WARS1: variants seen among roughly 807,000 people sequenced by gnomAD.
WARS1 encodes the protein tryptophanyl-tRNA synthetase 1.
Under a neutral mutation model 47.8 loss-of-function variants are expected in WARS1, and 17 were observed. The ratio of observed to expected loss-of-function variants is 0.36; its 90% confidence interval spans 0.24 to 0.53. WARS1 has a LOEUF of 0.53. WARS1 is among the 20% of genes least tolerant of loss of function. The pLI is 0.91. For synonymous variants in WARS1, 208 were observed against 228.1 expected (o/e 0.91, Z 0.79); for missense variants, 434 against 608.0 (o/e 0.71, Z 3.01).
At chr14:100,355,872 CCTT>C (rs1895277008) in intron 4 of WARS1, among the ~76,000 whole-genome samples, 1 of 152,220 alleles carries the variant, frequency 6.6e-6, no homozygotes, top group African/African-American at 2.4e-5. Flanking sequence ...AGGAAAGAAT[CCTT>C]CTTTGGTTCT....
chr14:100,374,418 C>A (rs942508999), intron 1 of WARS1, among the ~76,000 whole-genome samples: 1 of 152,196 alleles, frequency 6.6e-6, no homozygotes, highest in African/African-American at 2.4e-5. Flanking sequence ...GAAAATTAAC[C>A]CCCAGTTCCC....
chr14:100,374,264 C>T (rs1896509962), intron 1 of WARS1: 1 of 152,196 alleles, frequency 6.6e-6, no homozygotes, highest in Non-Finnish European at 1.5e-5. Flanking sequence ...AAATAGTACA[C>T]TCTGAAACAA....
At chr14:100,376,233 C>CGCCCCGGCCTTACT (rs1481023383), upstream of WARS1, 7 of 408,584 alleles carry the variant, frequency 1.7e-5, no homozygotes, top group Non-Finnish European at 2.3e-5. Flanking sequence ...TTCCTCACTC[C>CGCCCCGGCCTTACT]GCCCCGGCCT....
intron 2 of WARS1, among the ~76,000 whole-genome samples, chr14:100,365,289 C>G (rs1248877199): frequency 2.9e-5 from 2 of 68,268 alleles, no homozygotes; most frequent in African/African-American, 5.9e-5. Flanking sequence ...TTAAAAGTGT[C>G]GGAAGTCGGG....
intron 4 of WARS1, among the ~76,000 whole-genome samples, chr14:100,356,446 GA>G (rs1895331146): frequency 6.6e-6 from 1 of 151,336 alleles, no homozygotes; most frequent in Non-Finnish European, 1.5e-5. Context: ...CCAAAATCAG[GA>G]ATATAAGAAG....
chr14:100,355,763 G>A (rs1374919253), intron 4 of WARS1, among the ~76,000 whole-genome samples: 1 of 152,076 alleles, frequency 6.6e-6, no homozygotes, highest in South Asian at 2.1e-4. Context: ...TACAATTGTG[G>A]GTGTTCTGGT....
intron 5 of WARS1, 43 bp from the exon 6 acceptor site, chr14:100,353,912 T>C (rs199971884): frequency 1.3e-4 from 209 of 1,567,290 alleles, no homozygotes; most frequent in Admixed American, 1.3e-3. Context: ...TCATCTCCCC[T>C]GTGGAGGAAC....
intron 3 of WARS1, among the ~76,000 whole-genome samples, chr14:100,360,991 A>C (rs913851615): frequency 6.6e-5 from 10 of 151,824 alleles, no homozygotes; most frequent in African/African-American, 2.4e-4. Flanking sequence ...ATACATATAT[A>C]AATAGGTATA....
At chr14:100,350,627 G>C (rs3783341) in intron 6 of WARS1, among the ~76,000 whole-genome samples, 9,253 of 152,190 alleles carry the variant, frequency 0.061, 432 homozygotes, top group African/African-American at 0.12. Flanking sequence ...GACTATTATA[G>C]GCACTTGCTC....
At chr14:100,369,517 G>A (rs186056884) in intron 1 of WARS1, among the ~76,000 whole-genome samples, 1 of 152,038 alleles carries the variant, frequency 6.6e-6, no homozygotes, top group Non-Finnish European at 1.5e-5. Context: ...ACTTGACTAG[G>A]AGGGGCCCTC....
At chr14:100,371,447 C>CAAAAAAAAAAAAAAAAGAAAAAAAAAAA (rs1896341516) in intron 1 of WARS1, among the ~76,000 whole-genome samples, 1 of 89,102 alleles carries the variant, frequency 1.1e-5, no homozygotes, top group Non-Finnish European at 2.9e-5. Flanking sequence ...GGTTCTGTCT[C>CAAAAAAAAAAAAAAAAGAAAAAAAAAAA]AAAAAAAAAA....
intron 4 of WARS1, among the ~76,000 whole-genome samples, chr14:100,358,277 C>T (rs991215290): frequency 2.6e-5 from 4 of 152,206 alleles, no homozygotes; most frequent in South Asian, 2.1e-4. Flanking sequence ...GGACTACAGG[C>T]GCCCATCACC....
chr14:100,340,808 CCT>C (rs1894108153), intron 9 of WARS1, among the ~76,000 whole-genome samples: 1 of 152,138 alleles, frequency 6.6e-6, no homozygotes, highest in Non-Finnish European at 1.5e-5. Flanking sequence ...CGTCTGTAGG[CCT>C]CTGTTTTTCC....
At chr14:100,371,912 G>A (rs1896375248) in intron 1 of WARS1, among the ~76,000 whole-genome samples, 1 of 152,070 alleles carries the variant, frequency 6.6e-6, no homozygotes, top group Admixed American at 6.6e-5. Flanking sequence ...CCTGTGACCG[G>A]CACGTACACA....
At chr14:100,343,587 T>C (rs918990423) in intron 7 of WARS1, among the ~76,000 whole-genome samples, 200 bp from the exon 8 acceptor site, 12 of 152,234 alleles carry the variant, frequency 7.9e-5, no homozygotes, top group African/African-American at 2.7e-4. Context: ...TATTTTACTC[T>C]ATGCATTTTT....
At chr14:100,337,484 G>A (rs549798667) in intron 9 of WARS1, among the ~76,000 whole-genome samples, 1 of 152,260 alleles carries the variant, frequency 6.6e-6, no homozygotes, top group East Asian at 1.9e-4. Flanking sequence ...GGAGAATAGA[G>A]TTGGGAAAGC....
At chr14:100,337,900 G>T (rs1399517474) in intron 9 of WARS1, among the ~76,000 whole-genome samples, 1 of 152,064 alleles carries the variant, frequency 6.6e-6, no homozygotes, top group South Asian at 2.1e-4. Flanking sequence ...AAAAGAAAAA[G>T]GATGAGTAAG....
At position 100,339,395 on chromosome 14, in the gene WARS1, T is replaced by C. The variant is rs573791475; in HGVS notation, c.1114-2193A>G. On this transcript the variant is annotated intron_variant, in intron 9 of 10. Transcript: ENST00000392882. Reference sequence around the variant, plus strand: ...TTACGAGGTCAGGAGATCAAGACCATCCTGGCTAACACGGTGAAACCCCGT... The same window carrying C: ...TTACGAGGTCAGGAGATCAAGACCACCCTGGCTAACACGGTGAAACCCCGT... 3.3e-5 allele frequency among the ~76,000 whole-genome samples: 5 copies of C among 151,754 alleles called. No individual in the cohort carries two copies. The South Asian group carries it at 6.2e-4, about 19-fold the overall frequency.
At chr14:100,345,845 T>A (rs1324151015) in intron 7 of WARS1, among the ~76,000 whole-genome samples, 1 of 152,236 alleles carries the variant, frequency 6.6e-6, no homozygotes. Context: ...CCCCACCAAG[T>A]GGCGGTACCC....
Sources: gnomAD v4.1 joint callset for allele counts (sites outside exome capture counted in the v4.1 genomes callset) on GRCh38, gnomAD v4.1.1 for gene constraint, MANE v1.5 for transcripts, NCBI Gene and HGNC (gene_info 2026-07-23, HGNC 2026-07-21) for gene names.